CC2D2B: variants seen among roughly 807,000 people sequenced by gnomAD.
The protein encoded by CC2D2B is coiled-coil and C2 domain containing 2B, also known as protein CC2D2B.
CC2D2B carries 128 observed loss-of-function variants against 161.2 expected under a neutral mutation model. The observed-to-expected ratio is 0.79, with a 90% CI of 0.69 to 0.92. The LOEUF (loss-of-function observed/expected upper bound fraction) is 0.92. Among genes scored for constraint, CC2D2B ranks in the 40% least tolerant of loss-of-function variants. The pLI, the probability that CC2D2B is intolerant of heterozygous loss-of-function variation, is 0.00. For missense variants in CC2D2B, 1,173 were observed against 1,375.1 expected, an observed-to-expected ratio of 0.85 and a Z score of 2.32; for synonymous variants, 391 against 449.8, an observed-to-expected ratio of 0.87 and a Z score of 1.65.
At chr10:95,982,442 C>A (rs945319948) in intron 18 of CC2D2B, among the ~76,000 whole-genome samples, 1 of 152,112 alleles carries the variant, frequency 6.6e-6, no homozygotes, top group Non-Finnish European at 1.5e-5. Flanking sequence ...CTGAAGATAC[C>A]GAGATGATTT....
chr10:95,977,411 C>CA lies in CC2D2B; in HGVS notation c.1943+3263dup, dbSNP rs991913349. Among the ~76,000 whole-genome samples the CA allele has an allele frequency of 1.2e-4, 18 of 151,632 alleles. No homozygotes were observed. In the East Asian group the frequency reaches 1.7e-3, roughly 15 times the overall value. On this transcript the variant is annotated intron_variant, in intron 17 of 34. Coordinates refer to ENST00000646931, the MANE Select transcript of CC2D2B (RefSeq NM_001349008.3). ...AATCAGAAAACCAAAAACAAACAAA[C>CA]AAAAAAAACACCACACCTCTCTAAC...
intron 30 of CC2D2B, chr10:96,018,926 T>G: frequency 4.5e-6 from 1 of 222,852 alleles, no homozygotes; most frequent in Non-Finnish European, 8.8e-6. Flanking sequence ...GCCTCCCAAG[T>G]AGCTGGGACT....
At chr10:95,967,309 A>G (rs2076973677) in intron 14 of CC2D2B, among the ~76,000 whole-genome samples, 1 of 152,206 alleles carries the variant, frequency 6.6e-6, no homozygotes, top group Non-Finnish European at 1.5e-5. Flanking sequence ...TACAGGAGCC[A>G]TAAAATGAAA....
chr10:95,915,797 G>A (rs191586212), intron 2 of CC2D2B, among the ~76,000 whole-genome samples: 33 of 152,056 alleles, frequency 2.2e-4, no homozygotes, highest in African/African-American at 7.5e-4. Flanking sequence ...TGTTGAATTC[G>A]GCTTGCTAGT....
intron 17 of CC2D2B, among the ~76,000 whole-genome samples, chr10:95,981,127 C>T (rs973991099): frequency 3.3e-5 from 5 of 152,192 alleles, no homozygotes; most frequent in Non-Finnish European, 5.9e-5. Flanking sequence ...GGCACAGTGG[C>T]TCATGCCTGT....
intron 11 of CC2D2B, 21 bp from the exon 12 acceptor site, chr10:95,961,808 G>T: frequency 8.1e-7 from 1 of 1,229,912 alleles, no homozygotes; most frequent in Non-Finnish European, 1.0e-6. Context: ...ACAAATTTTT[G>T]CTCTGCCATT....
At chr10:96,025,172 T>TAAAAAAAAAAAAAAAA (rs1564683838) in intron 33 of CC2D2B, among the ~76,000 whole-genome samples, 1 of 17,622 alleles carries the variant, frequency 5.7e-5, no homozygotes, top group African/African-American at 2.1e-4. Context: ...TATATATATA[T>TAAAAAAAAAAAAAAAA]ATATATATAT....
chr10:95,952,874 A>G (rs1237814515), intron 10 of CC2D2B, among the ~76,000 whole-genome samples: 8 of 152,194 alleles, frequency 5.3e-5, no homozygotes, highest in Admixed American at 3.9e-4. Flanking sequence ...GAAAACTTCT[A>G]TAGGATAGAT....
chr10:96,030,144 A>G (rs2080004804), intron 34 of CC2D2B, among the ~76,000 whole-genome samples: 1 of 151,994 alleles, frequency 6.6e-6, no homozygotes, highest in Admixed American at 6.6e-5. Flanking sequence ...GATATTTTCA[A>G]TTTGTGGTTG....
intron 20 of CC2D2B, among the ~76,000 whole-genome samples, chr10:95,990,575 G>A (rs1362153350): frequency 6.6e-6 from 1 of 152,090 alleles, no homozygotes; most frequent in African/African-American, 2.4e-5. Flanking sequence ...TTTGTTGTCC[G>A]TGTGGCAGGA....
chr10:95,947,217 A>G (rs1339497504), intron 9 of CC2D2B, among the ~76,000 whole-genome samples: 1 of 146,904 alleles, frequency 6.8e-6, no homozygotes, highest in Non-Finnish European at 1.5e-5. Context: ...GGTTCTAGCG[A>G]TTCTCCTGCC....
chr10:95,969,654 T>C (rs1411101082), intron 15 of CC2D2B, among the ~76,000 whole-genome samples: 2 of 152,192 alleles, frequency 1.3e-5, no homozygotes, highest in African/African-American at 4.8e-5. Context: ...CTGATAGATG[T>C]TCTATTCATT....
At chr10:95,998,501 G>A (rs899670838) in intron 24 of CC2D2B, among the ~76,000 whole-genome samples, 1 of 152,042 alleles carries the variant, frequency 6.6e-6, no homozygotes, top group Non-Finnish European at 1.5e-5. Context: ...GAATGTCATT[G>A]TGTACATCAA....
chr10:95,923,949 A>G (rs2098533237), intron 3 of CC2D2B, among the ~76,000 whole-genome samples: 1 of 152,074 alleles, frequency 6.6e-6, no homozygotes, highest in African/African-American at 2.4e-5. Flanking sequence ...TGAACCCGGG[A>G]GGGGGAGGTT....
At chr10:95,958,642 C>T (rs550217634) in intron 11 of CC2D2B, among the ~76,000 whole-genome samples, 3 of 152,098 alleles carry the variant, frequency 2.0e-5, no homozygotes, top group South Asian at 4.1e-4. Flanking sequence ...AGGCAGATTA[C>T]AGCAGGCAGA....
At chr10:96,015,963 A>G (rs2141885965) in intron 29 of CC2D2B, among the ~76,000 whole-genome samples, 1 of 152,314 alleles carries the variant, frequency 6.6e-6, no homozygotes, top group Non-Finnish European at 1.5e-5. Flanking sequence ...TCTATACAAT[A>G]TCTACATTAA....
At chr10:96,000,602 G>A (rs2078445479) in intron 24 of CC2D2B, among the ~76,000 whole-genome samples, 1 of 152,102 alleles carries the variant, frequency 6.6e-6, no homozygotes, top group East Asian at 1.9e-4. Context: ...CTGACCTCAT[G>A]ATCCTCCCGC....
intron 2 of CC2D2B, chr10:95,919,723 A>C (rs1474724650): frequency 6.6e-6 from 1 of 152,102 alleles, no homozygotes; most frequent in Admixed American, 6.6e-5. Flanking sequence ...CTTCCCCTTC[A>C]GTGAAGCAGG....
chr10:96,029,348 T>G (rs957496984), intron 34 of CC2D2B, among the ~76,000 whole-genome samples: 4 of 141,848 alleles, frequency 2.8e-5, no homozygotes, highest in African/African-American at 1.0e-4. Flanking sequence ...AATTAAAAAT[T>G]TTTAAAAATG....
Sources: allele counts gnomAD v4.1 joint callset (sites outside exome capture counted in the v4.1 genomes callset), GRCh38; gene constraint gnomAD v4.1.1; transcripts MANE v1.5; gene names NCBI Gene and HGNC (gene_info 2026-07-23, HGNC 2026-07-21).